Variants in FNBP4 observed in about 807,000 individuals in gnomAD.
FNBP4 encodes formin binding protein 4.
Under a neutral mutation model 119.3 loss-of-function variants are expected in FNBP4, and 34 were observed. That is an observed-to-expected ratio of 0.28 (90% CI 0.22 to 0.38). FNBP4 has a LOEUF of 0.38. Ranked by LOEUF, FNBP4 falls within the 10% of genes least tolerant of loss-of-function variation. The pLI is 1.00. For synonymous variants in FNBP4, 462 were observed against 430.6 expected, an observed-to-expected ratio of 1.07 and a Z score of -0.90; for missense variants, 1,112 against 1,228.9, an observed-to-expected ratio of 0.90 and a Z score of 1.42.
At chr11:47,724,416 A>G (rs2097558855) in intron 13 of FNBP4, 52 bp downstream of exon 13, 1 of 1,612,254 alleles carries the variant, frequency 6.2e-7, no homozygotes, top group South Asian at 1.1e-5. Flanking sequence ...ACATGGTGTC[A>G]ATCATGTTCC....
intron 7 of FNBP4, among the ~76,000 whole-genome samples, chr11:47,744,827 TC>T (rs2097587203): frequency 6.6e-6 from 1 of 152,208 alleles, no homozygotes; most frequent in Non-Finnish European, 1.5e-5. Flanking sequence ...TCTTATTCAT[TC>T]TTTCTGGTTT....
chr11:47,762,124 C>T (rs1331753775), intron 2 of FNBP4, among the ~76,000 whole-genome samples: 2 of 147,040 alleles, frequency 1.4e-5, no homozygotes, highest in Non-Finnish European at 3.0e-5. Flanking sequence ...AGGCGTGAGG[C>T]ACAGCGTCTG....
chr11:47,722,870 C>A, intron 15 of FNBP4, 106 bp downstream of exon 15: 1 of 1,306,708 alleles, frequency 7.7e-7, no homozygotes, highest in South Asian at 1.6e-5. Flanking sequence ...GGATTACAGG[C>A]TTAAGCCACA....
chr11:47,717,136 A>G lies in FNBP4; in HGVS notation c.*286T>C, dbSNP rs942172895. The G allele has an allele frequency of 3.6e-6, 1 of 279,750 alleles. No individual in the cohort carries two copies. Among genetic ancestry groups the G allele is most frequent in the African/African-American group, 2.2e-5 (1 of 45,668 alleles). The allele number at this position is 279,750 out of a possible 1,614,324, so 17.3% of individuals were successfully genotyped here. On this transcript the variant is annotated 3_prime_UTR_variant, in exon 17 of 17. Transcript: ENST00000263773. Reference sequence around the variant, plus strand: ...TACAGAAGTGTTATACTCATGAGCCACATGTTCTTCAAGACTGATGAGGTT... The same window carrying G: ...TACAGAAGTGTTATACTCATGAGCCGCATGTTCTTCAAGACTGATGAGGTT...
chr11:47,752,208 G>A (rs913799466), intron 4 of FNBP4, among the ~76,000 whole-genome samples: 11 of 151,188 alleles, frequency 7.3e-5, no homozygotes, highest in Non-Finnish European at 1.5e-4. Context: ...TGGATCCCCC[G>A]AGGTCAGGAG....
chr11:47,751,352 C>G, intron 4 of FNBP4, 62 bp from the exon 5 acceptor site: 1 of 1,582,408 alleles, frequency 6.3e-7, no homozygotes, highest in Non-Finnish European at 8.6e-7. Flanking sequence ...CATATAAGCT[C>G]AAAAGCCAAA....
rs1354247344 is a variant in FNBP4, at chr11:47,717,400, A to C, written c.*22T>G. On this transcript the variant is annotated 3_prime_UTR_variant, in exon 17 of 17. Coordinates refer to ENST00000263773, the MANE Select transcript of FNBP4 (RefSeq NM_015308.5). ...GAACACAAAACAAACAATAATACAA[A>C]AAAGTTTTAAAAACTTAAAAACTAT... 6.5e-7 allele frequency: 1 copy of C among 1,541,130 alleles called. No homozygotes were observed. Among genetic ancestry groups the C allele is most frequent in the South Asian group, 1.1e-5 (1 of 87,464 alleles).
At chr11:47,726,530 A>T (rs1320355431) in intron 12 of FNBP4, 1 of 152,010 alleles carries the variant, frequency 6.6e-6, no homozygotes, top group African/African-American at 2.4e-5. Flanking sequence ...GACTTTAACA[A>T]CATCATTCCC....
chr11:47,751,655 TA>T (rs541461844), intron 4 of FNBP4, among the ~76,000 whole-genome samples: 377 of 151,402 alleles, frequency 2.5e-3, no homozygotes, highest in Middle Eastern at 0.014. Context: ...ACACATTTTT[TA>T]AAAAAAAACA....
chr11:47,763,943 A>C (rs2097641472), intron 2 of FNBP4, among the ~76,000 whole-genome samples: 1 of 152,130 alleles, frequency 6.6e-6, no homozygotes, highest in Non-Finnish European at 1.5e-5. Flanking sequence ...TCTTAGGTAT[A>C]TACCTCTTAT....
intron 7 of FNBP4, among the ~76,000 whole-genome samples, chr11:47,745,839 T>C (rs903094318): frequency 8.5e-5 from 13 of 152,150 alleles, no homozygotes; most frequent in Non-Finnish European, 1.5e-4. Context: ...GGTTGAAATA[T>C]TGGGGGTGAG....
chr11:47,761,939 A>G (rs1172556016), intron 2 of FNBP4, among the ~76,000 whole-genome samples: 1 of 151,354 alleles, frequency 6.6e-6, no homozygotes, highest in Non-Finnish European at 1.5e-5. Context: ...CCTGGGTTCA[A>G]GCGATTTTCC....
chr11:47,736,786 A>G, intron 8 of FNBP4, 46 bp from the exon 9 acceptor site: 2 of 1,510,402 alleles, frequency 1.3e-6, no homozygotes, highest in Non-Finnish European at 1.8e-6. Context: ...CAATACTTAT[A>G]GAACACTATA....
At chr11:47,765,571 G>GAC (rs1790023895) in intron 1 of FNBP4, among the ~76,000 whole-genome samples, 1 of 95,458 alleles carries the variant, frequency 1.0e-5, no homozygotes, top group South Asian at 4.4e-4. Flanking sequence ...CCAAGACGGG[G>GAC]GGGGGGGGGG....
intron 8 of FNBP4, among the ~76,000 whole-genome samples, chr11:47,737,746 A>C (rs2097576225): frequency 6.8e-6 from 1 of 146,502 alleles, no homozygotes; most frequent in South Asian, 2.2e-4. Flanking sequence ...AGGCTGCATC[A>C]TAATTTTTTT....
intron 2 of FNBP4, among the ~76,000 whole-genome samples, chr11:47,756,714 G>C (rs762842012): frequency 1.1e-3 from 161 of 148,940 alleles, no homozygotes; most frequent in Non-Finnish European, 2.0e-3. Flanking sequence ...CCCATGACAG[G>C]CCCCGGTGTG....
intron 2 of FNBP4, among the ~76,000 whole-genome samples, chr11:47,757,501 C>A (rs376286532): frequency 6.6e-6 from 1 of 151,220 alleles, no homozygotes; most frequent in African/African-American, 2.4e-5. Flanking sequence ...CGTGAGCCAC[C>A]GCACCCGGCT....
At chr11:47,726,330 G>A (rs2135083233) in intron 12 of FNBP4, 1 of 151,940 alleles carries the variant, frequency 6.6e-6, no homozygotes, top group Admixed American at 6.6e-5. Flanking sequence ...CAAACACTTG[G>A]CTCAAGCGAT....
rs192637197 is a variant in FNBP4 at position 47,718,834 on chromosome 11, A to C, written c.2963+1095T>G. 2.6e-4 allele frequency among the ~76,000 whole-genome samples: 40 copies of C among 152,298 alleles called. No individual in the cohort carries two copies. In the East Asian group the frequency reaches 6.9e-3, roughly 26 times the overall value. ...TTTAAAATTTCTAGAATTTTTGAGA[A>C]AGCCATCTTCTTGCCTCAGCCTCCC... On this transcript the variant is annotated intron_variant, in intron 16 of 16. Coordinates refer to ENST00000263773, the MANE Select transcript of FNBP4 (RefSeq NM_015308.5).
Sources: gnomAD v4.1 joint callset for allele counts (sites outside exome capture counted in the v4.1 genomes callset) on GRCh38, gnomAD v4.1.1 for gene constraint, MANE v1.5 for transcripts, NCBI Gene and HGNC (gene_info 2026-07-23, HGNC 2026-07-21) for gene names.